PCDHA4: variants seen among roughly 807,000 people sequenced by gnomAD.
The protein encoded by PCDHA4 is protocadherin alpha-4.
In PCDHA4, 49 loss-of-function variants were observed where a neutral mutation model predicts 61.4. The ratio of observed to expected loss-of-function variants is 0.80; its 90% CI spans 0.63 to 1.01. The LOEUF (loss-of-function observed/expected upper bound fraction) is 1.01. Ranked by LOEUF, PCDHA4 falls within the 50% of genes least tolerant of loss-of-function variation. The probability of loss-of-function intolerance (pLI) is 0.00; values close to 1 mark genes in which losing one functional copy is unlikely to be tolerated. For missense variants in PCDHA4, 1,254 were observed against 1,235.8 expected (o/e 1.01, Z -0.22); for synonymous variants, 590 against 550.3 (o/e 1.07, Z -1.01).
intron 1 of PCDHA4, chr5:140,851,839 C>A (rs1452848183): frequency 2.1e-6 from 2 of 969,740 alleles, no homozygotes; most frequent in East Asian, 1.1e-4. Context: ...TTAAAAATAT[C>A]TTTTTCTCCT....
At chr5:140,842,727 C>G (rs1554139317) in intron 1 of PCDHA4, 1 of 1,594,926 alleles carries the variant, frequency 6.3e-7, no homozygotes, top group East Asian at 2.2e-5. Context: ...GAGAACAACC[C>G]GCCGGGCTGC....
intron 1 of PCDHA4, chr5:140,877,538 C>T: frequency 1.2e-6 from 2 of 1,613,776 alleles, no homozygotes; most frequent in Non-Finnish European, 1.7e-6. Context: ...GCTGTGGATC[C>T]CGAAGCGGCT....
intron 1 of PCDHA4, chr5:140,876,440 T>G (rs369023443): frequency 3.7e-6 from 6 of 1,613,994 alleles, no homozygotes; most frequent in Admixed American, 1.7e-5. Flanking sequence ...GTTAACGCCA[T>G]TGATAAAGGG....
At chr5:140,847,615 C>T (rs1488974977) in intron 1 of PCDHA4, 1 of 149,268 alleles carries the variant, frequency 6.7e-6, no homozygotes, top group Non-Finnish European at 1.5e-5. Flanking sequence ...AATAACATTA[C>T]ACAAACTATA....
At chr5:141,007,095 G>A (rs1405401392) in intron 3 of PCDHA4, among the ~76,000 whole-genome samples, 2 of 152,208 alleles carry the variant, frequency 1.3e-5, no homozygotes, top group East Asian at 1.9e-4. Context: ...AGAGAGTCTA[G>A]GGCCAAACCC....
Position 140,808,215 on chromosome 5 carries a change from A to G in PCDHA4, c.1028A>G (p.Asn343Ser), listed in dbSNP as rs1307561739. 1.2e-6 allele frequency: 2 copies of G among 1,614,142 alleles called. No individual in the cohort carries two copies. Among genetic ancestry groups the G allele is most frequent in the East Asian group, 4.5e-5 (2 of 44,900 alleles). Residue 343 changes from asparagine to serine, a missense_variant, in exon 1 of 4, where the codon AAC becomes AGC. Physicochemically the swap from Asn to Ser is conservative, Grantham distance 46. Coordinates refer to ENST00000530339, the MANE Select transcript of PCDHA4 (RefSeq NM_018907.4). ...HCRVIVEVEDNNDNVPDLEFK... is the reference protein window; with the variant it reads ...HCRVIVEVEDSNDNVPDLEFK... ...AGAGTTATTGTGGAAGTAGAAGACA[A>G]CAACGATAATGTCCCAGATTTGGAA...
At chr5:140,816,513 G>T (rs2126672756) in intron 1 of PCDHA4, 8 of 151,612 alleles carry the variant, frequency 5.3e-5, no homozygotes, top group Non-Finnish European at 1.2e-4. Context: ...GTGTTTGTGT[G>T]TGTGTGTGTG....
rs1166477260 is a variant in PCDHA4, at chr5:140,843,587, C to T, written c.2385+34015C>T. 5 of 1,596,096 alleles carry T rather than the reference C, an allele frequency of 3.1e-6. 1 individual carries two copies. In the East Asian group the frequency reaches 6.7e-5, roughly 21 times the overall value. The stretch of plus-strand genomic sequence containing the variant: ...CTGGTCATACTCGCAACAACAGCCG[C>T]AGAGGGTGTGCTCTGGTGAGGGGCC... On this transcript the variant is annotated intron_variant, in intron 1 of 3. Coordinates refer to ENST00000530339, the MANE Select transcript of PCDHA4 (RefSeq NM_018907.4).
intron 1 of PCDHA4, chr5:140,967,990 G>C: frequency 6.2e-7 from 1 of 1,614,232 alleles, no homozygotes; most frequent in Non-Finnish European, 8.5e-7. Flanking sequence ...AGGCCACACT[G>C]CCTTTCCGAC....
At position 140,838,745 on chromosome 5, in the gene PCDHA4, G is replaced by A. The variant is rs12655588; in HGVS notation, c.2385+29173G>A. Among the ~76,000 whole-genome samples the A allele has an allele frequency of 3.5e-3, 537 of 152,028 alleles. 21 individuals are homozygous for A. In the East Asian group the frequency reaches 0.074, roughly 21 times the overall value. On this transcript the variant is annotated intron_variant, in intron 1 of 3. Coordinates refer to ENST00000530339, the MANE Select transcript of PCDHA4 (RefSeq NM_018907.4). ...CAGTCTAGTAGTTTGAGACCAGCTT[G>A]TGCATCTTTTGTAGAGACTTTGTAA...
At chr5:140,966,528 G>C in intron 1 of PCDHA4, 1 of 446,634 alleles carries the variant, frequency 2.2e-6, no homozygotes, top group Non-Finnish European at 3.9e-6. Context: ...AGCCGAGCCG[G>C]GTTGAGCGAC....
At chr5:140,853,686 T>C (rs2042832936) in intron 1 of PCDHA4, 1 of 988,118 alleles carries the variant, frequency 1.0e-6, no homozygotes, top group Middle Eastern at 5.3e-4. Flanking sequence ...CAACCTATCC[T>C]TAGACCTGCT....
chr5:140,891,912 T>C (rs2063306720), intron 1 of PCDHA4, among the ~76,000 whole-genome samples: 1 of 152,244 alleles, frequency 6.6e-6, no homozygotes, highest in Admixed American at 6.5e-5. Context: ...CTTCACCAGA[T>C]GCTGGTGCCT....
intron 1 of PCDHA4, chr5:140,829,783 G>C: frequency 1.9e-6 from 3 of 1,613,808 alleles, no homozygotes; most frequent in African/African-American, 1.3e-5. Context: ...ACGCGCCGGC[G>C]CTGCTGGCGC....
chr5:140,973,974 T>C (rs2096609755), intron 1 of PCDHA4, among the ~76,000 whole-genome samples: 1 of 152,224 alleles, frequency 6.6e-6, no homozygotes. Context: ...TAAATGTGGC[T>C]TTTACAGAAC....
chr5:140,958,799 C>T (rs889190378), intron 1 of PCDHA4, among the ~76,000 whole-genome samples: 3 of 152,104 alleles, frequency 2.0e-5, no homozygotes, highest in African/African-American at 7.2e-5. Context: ...AGTAAATTAT[C>T]ACACCATTCT....
intron 1 of PCDHA4, 84 bp downstream of exon 1, chr5:140,809,656 T>A (rs1764520774): frequency 2.0e-6 from 3 of 1,487,570 alleles, no homozygotes; most frequent in Non-Finnish European, 2.7e-6. Flanking sequence ...AAGAGTCAAA[T>A]TTCCCTGGGT....
intron 1 of PCDHA4, among the ~76,000 whole-genome samples, chr5:140,846,838 C>T (rs1554141511): frequency 6.7e-6 from 1 of 149,596 alleles, no homozygotes; most frequent in African/African-American, 2.5e-5. Context: ...ATATGAGTCA[C>T]ACAATGCAAG....
chr5:140,987,040 C>G (rs916995346), intron 3 of PCDHA4, among the ~76,000 whole-genome samples: 1 of 151,880 alleles, frequency 6.6e-6, no homozygotes, highest in Non-Finnish European at 1.5e-5. Flanking sequence ...ATGGCGAAAC[C>G]CCATCTCTAC....
Sources: allele counts gnomAD v4.1 joint callset (sites outside exome capture counted in the v4.1 genomes callset), GRCh38; gene constraint gnomAD v4.1.1; transcripts MANE v1.5; gene names NCBI Gene and HGNC (gene_info 2026-07-23, HGNC 2026-07-21).